Variants in NF2 observed in about 807,000 individuals in gnomAD.
NF2 encodes the protein NF2, moesin-ezrin-radixin like (MERLIN) tumor suppressor.
Under a neutral mutation model 83.7 loss-of-function variants are expected in NF2, and 8 were observed. The observed-to-expected ratio is 0.10, with a 90% CI of 0.06 to 0.17. The LOEUF (loss-of-function observed/expected upper bound fraction) is 0.17, where lower values mean the gene tolerates loss of function less well. Ranked by LOEUF, NF2 falls within the 10% of genes least tolerant of loss-of-function variation. The pLI is 1.00. For missense variants in NF2, 533 were observed against 744.4 expected, an observed-to-expected ratio of 0.72 and a Z score of 3.31; for synonymous variants, 266 against 269.6, an observed-to-expected ratio of 0.99 and a Z score of 0.13.
At chr22:29,686,721 C>G (rs1569315337) in intron 15 of NF2, among the ~76,000 whole-genome samples, 2 of 152,254 alleles carry the variant, frequency 1.3e-5, no homozygotes, top group Non-Finnish European at 2.9e-5. Context: ...ATGTATTTTT[C>G]TCCTCTTGCT....
At chr22:29,660,596 GTCTC>G (rs1214978065) in intron 7 of NF2, among the ~76,000 whole-genome samples, 1 of 152,148 alleles carries the variant, frequency 6.6e-6, no homozygotes, top group East Asian at 1.9e-4. Context: ...TTTTAACGAA[GTCTC>G]TCTTTGTCGA....
rs918249947 is a variant in NF2 at position 29,695,345 on chromosome 22, G to C, written c.*543G>C. On this transcript the variant is annotated 3_prime_UTR_variant, in exon 16 of 16. Transcript: ENST00000338641. This position sits in a 1 kb window ranked among gnomAD's most constrained non-coding sequence, Gnocchi z 5.4. ...AGGGAGCCCGCCCAGAGCTCGTGAC[G>C]AGCAAGTGCTGGGTCCCCGCCAGGC... The C allele has an allele frequency of 2.6e-5, 7 of 265,314 alleles. No individual in the cohort carries two copies. The highest frequency in any genetic ancestry group is 4.4e-5 in the Non-Finnish European group (6 of 135,950). 16.4% of individuals were successfully genotyped at this position (265,314 alleles called of 1,614,324 possible).
chr22:29,603,887 G>T lies in NF2; in HGVS notation c.-112G>T. 2.5e-6 allele frequency: 2 copies of T among 812,946 alleles called. No individual in the cohort carries two copies. The highest frequency in any genetic ancestry group is 2.7e-5 in the East Asian group (1 of 37,422). 50.4% of individuals were successfully genotyped at this position (812,946 alleles called of 1,614,324 possible). A position where few individuals can be genotyped will look rare whatever the true frequency, so the allele number is the denominator to read the frequency against. On this transcript the variant is annotated 5_prime_UTR_variant, in exon 1 of 16. Coordinates refer to ENST00000338641, the MANE Select transcript of NF2 (RefSeq NM_000268.4). ...GCGCAGCCCAGACCGTTCCCGGGCC[G>T]GGCAGCCGGCCACCATGGTGGCCCT... is the stretch of plus-strand genomic sequence containing the variant.
chr22:29,668,208 C>A, intron 9 of NF2, 125 bp from the exon 10 acceptor site: 1 of 712,626 alleles, frequency 1.4e-6, no homozygotes, highest in Non-Finnish European at 2.6e-6. Context: ...GTGTTTCACT[C>A]TATGCATTCA....
intron 14 of NF2, among the ~76,000 whole-genome samples, chr22:29,680,574 G>A (rs1477005314): frequency 6.6e-6 from 1 of 152,320 alleles, no homozygotes; most frequent in Non-Finnish European, 1.5e-5. Context: ...CCTTGTAGTT[G>A]GACACTTTGT....
Position 29,696,792 on chromosome 22 carries a change from T to C in NF2, c.*1990T>C. ...TAAAGTGAGGTCTGGCTCTGCCTCC[T>C]CCGTTTTTTTTTTTTTTCTGTTTCT... On this transcript the variant is annotated 3_prime_UTR_variant, in exon 16 of 16. Coordinates refer to ENST00000338641, the MANE Select transcript of NF2 (RefSeq NM_000268.4). 1 of 201,576 alleles carries C rather than the reference T, an allele frequency of 5.0e-6. No individual in the cohort carries two copies. The highest frequency in any genetic ancestry group is 9.9e-6 in the Non-Finnish European group (1 of 100,672). 12.5% of individuals were successfully genotyped at this position (201,576 alleles called of 1,614,324 possible).
At chr22:29,661,745 A>G (rs1401749607) in intron 8 of NF2, among the ~76,000 whole-genome samples, 1 of 151,938 alleles carries the variant, frequency 6.6e-6, no homozygotes, top group Non-Finnish European at 1.5e-5. Context: ...CCTCCTGAGT[A>G]GCTACTACAG....
At chr22:29,677,313 G>A (rs147495157) in intron 13 of NF2, among the ~76,000 whole-genome samples, 1 of 152,176 alleles carries the variant, frequency 6.6e-6, no homozygotes, top group Non-Finnish European at 1.5e-5. Flanking sequence ...TGTTTGAGAA[G>A]GGCCTTGAAA....
chr22:29,630,953 C>T (rs1015346058), intron 1 of NF2, among the ~76,000 whole-genome samples: 2 of 152,138 alleles, frequency 1.3e-5, no homozygotes, highest in African/African-American at 2.4e-5. Flanking sequence ...CCAAAAAGAA[C>T]ATTTTTTAAC....
Position 29,639,079 on chromosome 22 carries a change from C to T in NF2, c.241-11C>T, listed in dbSNP as rs1440173583. On this transcript the variant is annotated splice_polypyrimidine_tract_variant and intron_variant, in intron 2 of 15. Coordinates refer to ENST00000338641, the MANE Select transcript of NF2 (RefSeq NM_000268.4). ...TATAGTGTGTTTGTCTTTTGCTCTGCAATTCTGCAGGTACTGGATCATGAT... is the reference window on the plus strand; with the variant it reads ...TATAGTGTGTTTGTCTTTTGCTCTGTAATTCTGCAGGTACTGGATCATGAT... 1.2e-6 allele frequency: 2 copies of T among 1,614,094 alleles called. No homozygotes were observed. Among genetic ancestry groups the T allele is most frequent in the African/African-American group, 2.7e-5 (2 of 74,932 alleles).
At chr22:29,658,144 C>T (rs1319071433) in intron 6 of NF2, 45 bp from the exon 7 acceptor site, 1 of 1,573,902 alleles carries the variant, frequency 6.4e-7, no homozygotes, top group Admixed American at 1.7e-5. Context: ...GCTCTCCACC[C>T]ATCTCACTTA....
chr22:29,653,981 G>GGAAA (rs3831693), intron 4 of NF2, among the ~76,000 whole-genome samples: 54,899 of 151,476 alleles, frequency 0.36, 10,813 homozygotes, highest in Non-Finnish European at 0.47. Context: ...GAGTTTTCTA[G>GGAAA]GAAAGGAGTT....
intron 4 of NF2, among the ~76,000 whole-genome samples, chr22:29,653,313 G>A (rs1049017767): frequency 7.9e-5 from 12 of 151,760 alleles, no homozygotes; most frequent in Admixed American, 4.6e-4. Flanking sequence ...GGGTGGTGGC[G>A]TGCACCTGTA....
intron 15 of NF2, 83 bp downstream of exon 15, chr22:29,681,684 G>A: frequency 2.0e-6 from 3 of 1,537,752 alleles, no homozygotes; most frequent in Non-Finnish European, 2.7e-6. Context: ...TTCCTCAGTA[G>A]CCAAGTCACT....
chr22:29,682,927 G>A, intron 15 of NF2: 3 of 1,451,670 alleles, frequency 2.1e-6, no homozygotes, highest in Non-Finnish European at 9.7e-7. Context: ...CACGATTTCA[G>A]GCCTATCCAA....
chr22:29,637,495 GT>G (rs1287077348), intron 2 of NF2, among the ~76,000 whole-genome samples: 1 of 152,108 alleles, frequency 6.6e-6, no homozygotes, highest in African/African-American at 2.4e-5. Context: ...GGGTTCATAT[GT>G]TCACACAAGG....
intron 8 of NF2, 23 bp downstream of exon 8, chr22:29,661,362 A>G (rs548455601): frequency 1.2e-6 from 2 of 1,612,880 alleles, no homozygotes; most frequent in African/African-American, 2.7e-5. Flanking sequence ...TGTACTGCAG[A>G]TGGGTCCAGC....
intron 1 of NF2, among the ~76,000 whole-genome samples, chr22:29,611,794 G>A: frequency 6.6e-6 from 1 of 152,154 alleles, no homozygotes; most frequent in Middle Eastern, 3.4e-3. Flanking sequence ...TAAGGTTATA[G>A]GATACAAGAT....
intron 4 of NF2, among the ~76,000 whole-genome samples, chr22:29,647,990 G>A (rs2066029569): frequency 6.6e-6 from 1 of 152,060 alleles, no homozygotes; most frequent in African/African-American, 2.4e-5. Flanking sequence ...AAATAGCTGG[G>A]TGCAGTGGTG....
Sources: allele counts gnomAD v4.1 joint callset (sites outside exome capture counted in the v4.1 genomes callset), GRCh38; gene constraint gnomAD v4.1.1; non-coding constraint Gnocchi (gnomAD v3.1); transcripts MANE v1.5; gene names NCBI Gene and HGNC (gene_info 2026-07-23, HGNC 2026-07-21).